Variants in CACNA2D3 observed in about 807,000 individuals in gnomAD.
CACNA2D3 encodes the protein calcium voltage-gated channel auxiliary subunit alpha2delta 3.
CACNA2D3 carries 60 observed loss-of-function variants against 160.6 expected under a neutral mutation model. The ratio of observed to expected loss-of-function variants is 0.37; its 90% CI spans 0.30 to 0.46. The LOEUF (loss-of-function observed/expected upper bound fraction) is 0.46, where lower values mean the gene tolerates loss of function less well. CACNA2D3 is among the 20% of genes least tolerant of loss of function. The pLI is 1.00. For missense variants in CACNA2D3, 1,205 were observed against 1,365.0 expected (o/e 0.88, Z 1.85); for synonymous variants, 558 against 492.9 (o/e 1.13, Z -1.75).
intron 27 of CACNA2D3, among the ~76,000 whole-genome samples, chr3:54,911,430 G>A (rs1312632056): frequency 6.9e-6 from 1 of 144,088 alleles, no homozygotes; most frequent in Non-Finnish European, 1.5e-5. Flanking sequence ...CTGGGCTCGA[G>A]TGATCCTCCT....
intron 11 of CACNA2D3, among the ~76,000 whole-genome samples, chr3:54,656,540 T>C (rs1699877381): frequency 6.6e-6 from 1 of 152,126 alleles, no homozygotes; most frequent in Non-Finnish European, 1.5e-5. Context: ...ATTTCCTTTG[T>C]AGGATAGGCC....
intron 29 of CACNA2D3, among the ~76,000 whole-genome samples, chr3:54,981,782 A>G (rs558142203): frequency 6.6e-6 from 1 of 152,340 alleles, no homozygotes; most frequent in East Asian, 1.9e-4. Flanking sequence ...AGCGCCCAGT[A>G]TCAAACTGGC....
chr3:54,914,977 T>C (rs1468064275), intron 27 of CACNA2D3, among the ~76,000 whole-genome samples: 1 of 151,976 alleles, frequency 6.6e-6, no homozygotes, highest in Non-Finnish European at 1.5e-5. Flanking sequence ...AACCACTTCC[T>C]TTGATATTTA....
At chr3:54,719,163 C>CTTTTTTTTT (rs527632302) in intron 11 of CACNA2D3, among the ~76,000 whole-genome samples, 32 of 132,672 alleles carry the variant, frequency 2.4e-4, no homozygotes, top group Non-Finnish European at 2.8e-4. Flanking sequence ...CACTGGATTT[C>CTTTTTTTTT]TTTTTTTTTT....
intron 4 of CACNA2D3, among the ~76,000 whole-genome samples, chr3:54,489,279 G>A (rs1172151070): frequency 6.6e-6 from 1 of 152,170 alleles, no homozygotes; most frequent in East Asian, 1.9e-4. Flanking sequence ...TGATATTGAG[G>A]GGCCCAAAGT....
intron 13 of CACNA2D3, among the ~76,000 whole-genome samples, chr3:54,769,334 G>A (rs1388817637): frequency 2.0e-5 from 3 of 152,104 alleles, no homozygotes; most frequent in African/African-American, 4.8e-5. Context: ...TAGACTCCAC[G>A]AGCACTTGGC....
intron 2 of CACNA2D3, among the ~76,000 whole-genome samples, chr3:54,317,598 C>T (rs1476778321): frequency 2.0e-5 from 3 of 152,088 alleles, no homozygotes; most frequent in Non-Finnish European, 2.9e-5. Context: ...AGTGCAATGG[C>T]GCGATCGCGG....
At chr3:54,273,525 A>T (rs1286394967) in intron 2 of CACNA2D3, among the ~76,000 whole-genome samples, 1 of 152,108 alleles carries the variant, frequency 6.6e-6, no homozygotes, top group Admixed American at 6.5e-5. Flanking sequence ...GGTCCTAGTT[A>T]ACCAGCTTTC....
chr3:54,238,985 G>A, intron 2 of CACNA2D3, among the ~76,000 whole-genome samples: 1 of 152,184 alleles, frequency 6.6e-6, no homozygotes, highest in South Asian at 2.1e-4. Context: ...GTTTATTGTT[G>A]TAAAATGTAA....
chr3:54,545,143 G>A (rs1702041507), intron 5 of CACNA2D3, among the ~76,000 whole-genome samples: 1 of 152,154 alleles, frequency 6.6e-6, no homozygotes, highest in African/African-American at 2.4e-5. Flanking sequence ...TGATACACAA[G>A]TTTTAGCACC....
chr3:54,453,034 C>G (rs1454515015), intron 4 of CACNA2D3, among the ~76,000 whole-genome samples: 2 of 152,066 alleles, frequency 1.3e-5, no homozygotes, highest in South Asian at 4.2e-4. Flanking sequence ...CTCTGTCACC[C>G]AAGCTGGAGT....
At chr3:54,908,000 T>A (rs1464809241) in intron 27 of CACNA2D3, among the ~76,000 whole-genome samples, 2 of 152,240 alleles carry the variant, frequency 1.3e-5, no homozygotes, top group Admixed American at 1.3e-4. Flanking sequence ...TAGCTGTTAG[T>A]AATGTTGATA....
intron 13 of CACNA2D3, among the ~76,000 whole-genome samples, chr3:54,788,958 G>C (rs1702692185): frequency 6.6e-6 from 1 of 152,078 alleles, no homozygotes; most frequent in Admixed American, 6.6e-5. Context: ...TGAGTGAAAA[G>C]AAAACCTTAC....
At position 54,122,822 on chromosome 3, in the gene CACNA2D3, A is replaced by C; in HGVS notation, c.109A>C (p.Ile37Leu). The change falls in exon 1 of 38, where the codon ATA becomes CTA. Residue 37 changes from isoleucine to leucine, a missense_variant. Ile to Leu is a conservative substitution (Grantham distance 5). Coordinates refer to ENST00000474759, the MANE Select transcript of CACNA2D3 (RefSeq NM_018398.3). The part of the protein sequence containing the change: ...LGDVVRSEQQ[I>L]PLSVVKLWAS... ...GGACGTGGTGCGCTCGGAGCAGCAG[A>C]TACCGCTCTCCGTGTAAGTGCCGGC... The C allele has an allele frequency of 8.1e-7, 1 of 1,231,914 alleles. No homozygotes were observed. Among genetic ancestry groups the C allele is most frequent in the Non-Finnish European group, 1.0e-6 (1 of 982,186 alleles). The allele number at this position is 1,231,914 out of a possible 1,614,324, so 76.3% of individuals were successfully genotyped here. A position where few individuals can be genotyped will look rare whatever the true frequency, so the allele number is the denominator to read the frequency against.
intron 4 of CACNA2D3, among the ~76,000 whole-genome samples, chr3:54,474,071 T>C (rs932885048): frequency 3.3e-5 from 5 of 152,174 alleles, no homozygotes; most frequent in African/African-American, 1.2e-4. Flanking sequence ...GGATTATGAA[T>C]CATTCTACTA....
At chr3:54,816,357 T>C (rs2106712358) in intron 13 of CACNA2D3, among the ~76,000 whole-genome samples, 1 of 152,326 alleles carries the variant, frequency 6.6e-6, no homozygotes, top group South Asian at 2.1e-4. Flanking sequence ...TGTGGGGGAC[T>C]GTCCTGTGCA....
rs79160657 is a variant in CACNA2D3, at chr3:54,311,591, C to T, written c.205-8851C>T. On this transcript the variant is annotated intron_variant, in intron 2 of 37. Transcript: ENST00000474759. Reference sequence around the variant, plus strand: ...TGGCAGGAGTAACATACCTCTACTGCAGACCAGTGTGCCCTCCAGAGGAGG... The same window carrying T: ...TGGCAGGAGTAACATACCTCTACTGTAGACCAGTGTGCCCTCCAGAGGAGG... Among the ~76,000 whole-genome samples, 1,070 of 152,310 alleles carry T rather than the reference C, an allele frequency of 7.0e-3. 7 individuals are homozygous for T. Among genetic ancestry groups the T allele is most frequent in the Non-Finnish European group, 0.013 (852 of 68,032 alleles).
chr3:55,052,212 C>G (rs867874181), intron 35 of CACNA2D3, among the ~76,000 whole-genome samples: 3 of 152,032 alleles, frequency 2.0e-5, no homozygotes, highest in Non-Finnish European at 4.4e-5. Flanking sequence ...AAAGCTGTAT[C>G]GTTCATTTGA....
intron 34 of CACNA2D3, among the ~76,000 whole-genome samples, chr3:55,010,060 G>A (rs776551060): frequency 6.6e-5 from 10 of 152,176 alleles, no homozygotes; most frequent in Admixed American, 1.3e-4. Context: ...GTGAATGTGT[G>A]TGTGTGCATG....
Sources: allele counts gnomAD v4.1 joint callset (sites outside exome capture counted in the v4.1 genomes callset), GRCh38; gene constraint gnomAD v4.1.1; transcripts MANE v1.5; gene names NCBI Gene and HGNC (gene_info 2026-07-23, HGNC 2026-07-21).